The following CASP8 variants were observed in gnomAD, a reference collection of about 807,000 sequenced individuals.
CASP8 encodes the protein caspase 8.
A neutral mutation model predicts 46.3 loss-of-function variants in CASP8; 24 were observed. The observed-to-expected ratio is 0.52, with a 90% CI of 0.38 to 0.73. The LOEUF is 0.73. Among genes scored for constraint, CASP8 ranks in the 30% least tolerant of loss-of-function variants. The pLI is 0.00. For missense variants in CASP8, 460 were observed against 559.0 expected, an observed-to-expected ratio of 0.82 and a Z score of 1.79; for synonymous variants, 188 against 200.4, an observed-to-expected ratio of 0.94 and a Z score of 0.52.
At chr2:201,282,977 G>A (rs1576375780) in intron 7 of CASP8, among the ~76,000 whole-genome samples, 3 of 67,412 alleles carry the variant, frequency 4.5e-5, no homozygotes, top group Non-Finnish European at 7.4e-5. Flanking sequence ...CGGACGGGGC[G>A]GCTGGCCGGG....
At chr2:201,253,138 C>A (rs1158717156) in intron 2 of CASP8, among the ~76,000 whole-genome samples, 1 of 151,846 alleles carries the variant, frequency 6.6e-6, no homozygotes, top group African/African-American at 2.4e-5. Context: ...GTGTGCACCA[C>A]CACTGCACCA....
intron 1 of CASP8, among the ~76,000 whole-genome samples, chr2:201,265,602 T>C (rs1947754805): frequency 6.6e-6 from 1 of 151,978 alleles, no homozygotes; most frequent in East Asian, 1.9e-4. Flanking sequence ...ATAATGTCAT[T>C]CTCATTTTTA....
At chr2:201,258,258 G>A (rs1242061162), upstream of CASP8, 3 of 1,606,758 alleles carry the variant, frequency 1.9e-6, no homozygotes, top group African/African-American at 2.7e-5. Context: ...GAGCCAGGGT[G>A]GTTATTGAAA....
chr2:201,248,617 C>T (rs1167666119), intron 2 of CASP8, among the ~76,000 whole-genome samples: 1 of 152,192 alleles, frequency 6.6e-6, no homozygotes, highest in African/African-American at 2.4e-5. Context: ...TGTCCGTTAT[C>T]TGTTCACTGT....
At chr2:201,249,184 C>A (rs564894363) in intron 2 of CASP8, among the ~76,000 whole-genome samples, 3 of 152,168 alleles carry the variant, frequency 2.0e-5, no homozygotes, top group South Asian at 4.1e-4. Flanking sequence ...TGAGCCACCA[C>A]GCCCTGGTCA....
upstream of CASP8, chr2:201,260,425 T>G (rs1366053238): frequency 2.1e-6 from 1 of 478,016 alleles, no homozygotes; most frequent in East Asian, 1.5e-4. Context: ...TAGAAGGCAC[T>G]CTGCTCACTC....
At chr2:201,235,191 AT>A (rs1053455128) in intron 2 of CASP8, among the ~76,000 whole-genome samples, 1 of 151,966 alleles carries the variant, frequency 6.6e-6, no homozygotes. Flanking sequence ...AATTAGGATC[AT>A]TTTTCCTTTA....
At chr2:201,283,360 C>G in intron 7 of CASP8, among the ~76,000 whole-genome samples, 1 of 66,620 alleles carries the variant, frequency 1.5e-5, no homozygotes, top group Non-Finnish European at 3.5e-5. Context: ...AGGCGCCCCT[C>G]ACCTCCCGGA....
chr2:201,269,823 T>C (rs1388802512), intron 2 of CASP8, among the ~76,000 whole-genome samples: 1 of 152,224 alleles, frequency 6.6e-6, no homozygotes, highest in Non-Finnish European at 1.5e-5. Context: ...TCAGGTTCAT[T>C]ACTAAATGGT....
intron 7 of CASP8, chr2:201,281,814 C>A (rs781032971): frequency 2.8e-6 from 4 of 1,412,940 alleles, no homozygotes; most frequent in South Asian, 2.4e-5. Flanking sequence ...AACACTCTCT[C>A]CTTTCTCATT....
At chr2:201,284,772 G>C (rs1949471829) in intron 7 of CASP8, 44 bp from the exon 8 acceptor site, 2 of 1,600,504 alleles carry the variant, frequency 1.2e-6, no homozygotes, top group Non-Finnish European at 1.7e-6. Context: ...TGTGGTCTGT[G>C]AATTACTGTG....
Position 201,285,038 on chromosome 2 carries a change from GT to G in CASP8, c.1028del (p.Leu343Ter), listed in dbSNP as rs1949489657. The G allele has an allele frequency of 6.2e-7, 1 of 1,614,206 alleles. No individual in the cohort carries two copies. Among genetic ancestry groups the G allele is most frequent in the East Asian group, 2.2e-5 (1 of 44,888 alleles). ...PIYELTSQFT[G>X]LKCPSLAGKP... The stretch of plus-strand genomic sequence containing the variant: ...TATGAGCTGACATCTCAGTTCACTG[GT>G]TTGAAGTGCCCTTCCCTTGCTGGAA... On this transcript the variant is annotated frameshift_variant, in exon 8 of 9. Coordinates refer to ENST00000673742, the MANE Select transcript of CASP8 (RefSeq NM_001372051.1). LOFTEE classifies it high-confidence loss of function.
At chr2:201,257,818 C>T (rs562237187), upstream of CASP8, among the ~76,000 whole-genome samples, 6 of 152,316 alleles carry the variant, frequency 3.9e-5, 1 homozygote, top group Admixed American at 3.3e-4. Flanking sequence ...GGGAAACTTC[C>T]TATTCCCAGA....
In CASP8 at chr2:201,286,800, T is replaced by G; in HGVS notation, c.*206T>G. The G allele has an allele frequency of 2.2e-6, 1 of 461,810 alleles. No individual in the cohort carries two copies. 28.6% of individuals were successfully genotyped at this position (461,810 alleles called of 1,614,324 possible). A position where few individuals can be genotyped will look rare whatever the true frequency, so the allele number is the denominator to read the frequency against. ...CTGGCTAATTTTTTAAAAATATTTT[T>G]AGTAGAGACAGGGTTTCACTGTGTT... On this transcript the variant is annotated 3_prime_UTR_variant, in exon 9 of 9. Coordinates refer to ENST00000673742, the MANE Select transcript of CASP8 (RefSeq NM_001372051.1).
At chr2:201,278,036 C>A (rs1224576875) in intron 7 of CASP8, 1 of 160,870 alleles carries the variant, frequency 6.2e-6, no homozygotes, top group Admixed American at 6.2e-5. Flanking sequence ...TTAAGCAAAT[C>A]TAAGCCTTTA....
chr2:201,272,595 A>C lies in CASP8; in HGVS notation c.412-43A>C, dbSNP rs1948340869. On this transcript the variant is annotated intron_variant, in intron 3 of 8. Transcript: ENST00000673742. This position sits in a 1 kb window ranked among gnomAD's most constrained non-coding sequence, Gnocchi z 4.4. The stretch of plus-strand genomic sequence containing the variant: ...AAAAAAATCTAATCTAAAAACCAGT[A>C]GGGCTCAATCCAGATTCCCAACTTT... The C allele has an allele frequency of 1.9e-6, 3 of 1,610,248 alleles. No homozygotes were observed. The highest frequency in any genetic ancestry group is 1.7e-6 in the Non-Finnish European group (2 of 1,176,930).
intron 2 of CASP8, among the ~76,000 whole-genome samples, chr2:201,253,447 C>T (rs543424311): frequency 3.3e-5 from 5 of 151,754 alleles, no homozygotes; most frequent in Non-Finnish European, 5.9e-5. Context: ...TGCTCTTCTA[C>T]CCCTGAGACC....
intron 7 of CASP8, chr2:201,281,933 C>CTTTTTTTTTTTTTTTTTTT (rs540286536): frequency 8.4e-5 from 22 of 262,198 alleles, no homozygotes; most frequent in East Asian, 4.5e-4. Context: ...GGTTCAAATT[C>CTTTTTTTTTTTTTTTTTTT]TTTTTTTTTT....
chr2:201,245,228 C>A (rs1282691434), intron 2 of CASP8, among the ~76,000 whole-genome samples: 3 of 151,914 alleles, frequency 2.0e-5, no homozygotes, highest in Non-Finnish European at 4.4e-5. Context: ...CCTGACCTCA[C>A]AAGGAGGTTT....
Sources: gnomAD v4.1 joint callset for allele counts (sites outside exome capture counted in the v4.1 genomes callset) on GRCh38, gnomAD v4.1.1 for gene constraint, Gnocchi (gnomAD v3.1) non-coding constraint, MANE v1.5 for transcripts, NCBI Gene and HGNC (gene_info 2026-07-23, HGNC 2026-07-21) for gene names.